Variants in IL1RAPL2 observed in about 807,000 individuals in gnomAD.
The protein encoded by IL1RAPL2 is interleukin 1 receptor accessory protein like 2.
IL1RAPL2 carries 3 observed loss-of-function variants against 44.1 expected under a neutral mutation model. That is an observed-to-expected ratio of 0.07 (90% CI 0.03 to 0.18). The LOEUF is 0.18. IL1RAPL2 is among the 10% of genes least tolerant of loss of function. IL1RAPL2 has a pLI of 1.00. For missense variants in IL1RAPL2, 391 were observed against 496.4 expected (o/e 0.79, Z 2.02); for synonymous variants, 181 against 178.8 (o/e 1.01, Z -0.10).
At chrX:105,564,167 G>A (rs1005826171) in intron 6 of IL1RAPL2, among the ~76,000 whole-genome samples, 24 of 111,056 alleles carry the variant, frequency 2.2e-4, no homozygotes, top group African/African-American at 7.9e-4. Flanking sequence ...CCATTCATAA[G>A]GGCTCCATAT....
chrX:105,257,614 TC>T (rs1208559584), intron 4 of IL1RAPL2, among the ~76,000 whole-genome samples: 1 of 112,111 alleles, frequency 8.9e-6, no homozygotes, highest in Non-Finnish European at 1.9e-5. Context: ...GAATCTGGGT[TC>T]CCCCGTGGTG....
At chrX:104,921,975 A>G (rs1569343428) in intron 2 of IL1RAPL2, among the ~76,000 whole-genome samples, 1 of 112,259 alleles carries the variant, frequency 8.9e-6, no homozygotes, top group Non-Finnish European at 1.9e-5. Flanking sequence ...TCTGTGGCAC[A>G]GGAGAGGCGC....
intron 1 of IL1RAPL2, among the ~76,000 whole-genome samples, chrX:104,623,093 C>T (rs940156209): frequency 9.0e-6 from 1 of 110,587 alleles, no homozygotes; most frequent in Non-Finnish European, 1.9e-5. Flanking sequence ...CTAGAAACTG[C>T]CTTTACATTA....
intron 2 of IL1RAPL2, among the ~76,000 whole-genome samples, chrX:104,661,599 A>C (rs1930401502): frequency 9.2e-6 from 1 of 109,010 alleles, no homozygotes; most frequent in South Asian, 4.1e-4. Flanking sequence ...CTCCAGCCCT[A>C]TACCTCTGTT....
At chrX:105,201,116 A>T (rs376937279) in intron 3 of IL1RAPL2, among the ~76,000 whole-genome samples, 2 of 112,024 alleles carry the variant, frequency 1.8e-5, no homozygotes, top group East Asian at 5.6e-4. Context: ...TTTGGTCTCT[A>T]ATAGTCATTG....
chrX:105,375,028 G>C (rs1440418244), intron 5 of IL1RAPL2, among the ~76,000 whole-genome samples: 1 of 109,676 alleles, frequency 9.1e-6, no homozygotes, highest in East Asian at 2.8e-4. Flanking sequence ...GAGCTTTTGG[G>C]CTAAGTGTAT....
At chrX:105,581,102 G>A (rs2037086390) in intron 6 of IL1RAPL2, among the ~76,000 whole-genome samples, 1 of 111,284 alleles carries the variant, frequency 9.0e-6, no homozygotes, top group African/African-American at 3.3e-5. Context: ...ACCATCTGCT[G>A]TAGATAAACT....
intron 1 of IL1RAPL2, among the ~76,000 whole-genome samples, chrX:104,649,556 ATG>A (rs1488895643): frequency 8.9e-6 from 1 of 111,882 alleles, no homozygotes; most frequent in African/African-American, 3.2e-5. Flanking sequence ...ATAGAGATAA[ATG>A]TGTGTTGACT....
chrX:104,582,513 TTTC>T (rs1239097498), intron 1 of IL1RAPL2, among the ~76,000 whole-genome samples: 3 of 106,934 alleles, frequency 2.8e-5, no homozygotes, highest in Non-Finnish European at 5.7e-5. Context: ...TCTCTCTCTC[TTTC>T]TTTCTTTTTC....
chrX:104,905,243 T>C (rs1416561151), intron 2 of IL1RAPL2, among the ~76,000 whole-genome samples: 4 of 111,641 alleles, frequency 3.6e-5, no homozygotes, highest in Non-Finnish European at 7.5e-5. Flanking sequence ...TTTTCTCCCA[T>C]TTTGTAGGTT....
At position 105,508,182 on chromosome X, in the gene IL1RAPL2, G is replaced by GTTA. The variant is rs746749660; in HGVS notation, c.772+23810_772+23812dup. Among the ~76,000 whole-genome samples, 27 of 110,871 alleles carry GTTA rather than the reference G, an allele frequency of 2.4e-4. No individual in the cohort carries two copies. The South Asian group carries it at 6.0e-3, about 25-fold the overall frequency. ...AGGATCTCCCTGAGCACAAAAGAGA[G>GTTA]TTATTATTATTATTATTTAAAATTT... On this transcript the variant is annotated intron_variant, in intron 6 of 10. Transcript: ENST00000372582.
intron 2 of IL1RAPL2, among the ~76,000 whole-genome samples, chrX:105,142,497 G>A (rs945290008): frequency 2.7e-5 from 3 of 111,185 alleles, no homozygotes; most frequent in Admixed American, 9.6e-5. Context: ...GCCTGGATGC[G>A]GTGGTTTTTC....
intron 2 of IL1RAPL2, among the ~76,000 whole-genome samples, chrX:105,189,044 A>G (rs73638484): frequency 0.03 from 3,300 of 111,732 alleles, 117 homozygotes; most frequent in African/African-American, 0.1. Context: ...ATAAACAGGA[A>G]GAAACTTTTC....
chrX:105,478,403 T>C (rs961107054), intron 5 of IL1RAPL2, among the ~76,000 whole-genome samples: 9 of 111,138 alleles, frequency 8.1e-5, no homozygotes, highest in African/African-American at 2.9e-4. Context: ...AGGAGATTCT[T>C]CTCTTCTTCA....
At chrX:105,233,769 A>G (rs1048715439) in intron 3 of IL1RAPL2, 49 bp from the exon 4 acceptor site, 6 of 1,024,828 alleles carry the variant, frequency 5.9e-6, no homozygotes, top group Non-Finnish European at 8.0e-6. Context: ...GCACAAACAA[A>G]GTTGTAAACA....
chrX:105,640,691 T>TATATATAC (rs1205790339), intron 6 of IL1RAPL2, among the ~76,000 whole-genome samples: 9 of 76,024 alleles, frequency 1.2e-4, no homozygotes, highest in East Asian at 1.2e-3. Flanking sequence ...TATATATATA[T>TATATATAC]ACACACACAT....
chrX:105,632,225 A>G (rs374459604), intron 6 of IL1RAPL2, among the ~76,000 whole-genome samples: 3 of 111,423 alleles, frequency 2.7e-5, no homozygotes, highest in East Asian at 5.7e-4. Context: ...ACATGCTTTT[A>G]TATTCTCCAC....
rs768572576 is a variant in IL1RAPL2, at chrX:105,445,225, A to G, written c.698-39088A>G. On this transcript the variant is annotated intron_variant, in intron 5 of 10. Transcript: ENST00000372582. ...TAATGATTATTTGAATTTCTGCAGTATCAGTTATAATGTCTTTTTTTATCT... is the reference window on the plus strand; with the variant it reads ...TAATGATTATTTGAATTTCTGCAGTGTCAGTTATAATGTCTTTTTTTATCT... 1.8e-3 allele frequency among the ~76,000 whole-genome samples: 206 copies of G among 111,879 alleles called. 1 individual carries two copies. The highest frequency in any genetic ancestry group is 2.4e-3 in the Non-Finnish European group (129 of 53,051).
chrX:105,319,418 G>A (rs1812483914), intron 5 of IL1RAPL2, among the ~76,000 whole-genome samples: 2 of 111,829 alleles, frequency 1.8e-5, no homozygotes, highest in Non-Finnish European at 3.8e-5. Flanking sequence ...TAGGCAGTGG[G>A]TCTAGGAAAT....
Sources: gnomAD v4.1 joint callset for allele counts (sites outside exome capture counted in the v4.1 genomes callset) on GRCh38, gnomAD v4.1.1 for gene constraint, MANE v1.5 for transcripts, NCBI Gene and HGNC (gene_info 2026-07-23, HGNC 2026-07-21) for gene names.